Variants in NFATC3 observed in about 807,000 individuals in gnomAD.
The protein encoded by NFATC3 is nuclear factor of activated T-cells, cytoplasmic 3.
A neutral mutation model predicts 98.6 loss-of-function variants in NFATC3; 46 were observed. That is an observed-to-expected ratio of 0.47 (90% CI 0.37 to 0.60). The LOEUF (loss-of-function observed/expected upper bound fraction) is 0.60, where lower values mean the gene tolerates loss of function less well. Among genes scored for constraint, NFATC3 ranks in the 20% least tolerant of loss-of-function variants. The pLI is 0.00. For missense variants in NFATC3, 1,256 were observed against 1,295.5 expected (o/e 0.97, Z 0.47); for synonymous variants, 512 against 472.2 (o/e 1.08, Z -1.09).
At chr16:68,113,398 A>G (rs1456880675) in intron 1 of NFATC3, among the ~76,000 whole-genome samples, 2 of 151,744 alleles carry the variant, frequency 1.3e-5, no homozygotes, top group African/African-American at 4.8e-5. Flanking sequence ...TAATTCATCT[A>G]CCCCCTCCTG....
In NFATC3 at chr16:68,167,810, C is replaced by CTTTTTTTTTTT. The variant is rs35302776; in HGVS notation, c.1774+824_1774+834dup. ...TTTATATCTGTTAACCGTATGTGTTCTTTTTTTTTTTTTTTTTTTTTTTTT... is the reference window on the plus strand; with the variant it reads ...TTTATATCTGTTAACCGTATGTGTTCTTTTTTTTTTTTTTTTTTTTTTTTTTTTTTTTTTTT... On this transcript the variant is annotated intron_variant, in intron 5 of 9. Transcript: ENST00000346183. Among the ~76,000 whole-genome samples the CTTTTTTTTTTT allele has an allele frequency of 7.9e-3, 188 of 23,912 alleles. 73 individuals carry two copies. The highest frequency in any genetic ancestry group is 0.014 in the Non-Finnish European group (131 of 9,304). 15.7% of individuals were successfully genotyped at this position (23,912 alleles called of 152,430 possible).
chr16:68,116,859 A>G (rs2036305071), intron 1 of NFATC3, among the ~76,000 whole-genome samples: 1 of 152,098 alleles, frequency 6.6e-6, no homozygotes, highest in Non-Finnish European at 1.5e-5. Context: ...TATTTAATCA[A>G]GTACATTCTT....
intron 6 of NFATC3, among the ~76,000 whole-genome samples, chr16:68,175,499 A>G (rs1327290216): frequency 6.6e-6 from 1 of 152,206 alleles, no homozygotes; most frequent in Non-Finnish European, 1.5e-5. Flanking sequence ...CTTCTTGTGC[A>G]TATTTAAAAC....
chr16:68,087,705 T>G (rs539059963), intron 1 of NFATC3, among the ~76,000 whole-genome samples: 1 of 152,282 alleles, frequency 6.6e-6, no homozygotes, highest in East Asian at 1.9e-4. Context: ...TTGCCCCATA[T>G]TTTTCCTTCC....
chr16:68,089,993 T>C (rs1567491195), intron 1 of NFATC3, among the ~76,000 whole-genome samples: 2 of 152,180 alleles, frequency 1.3e-5, no homozygotes, highest in East Asian at 1.9e-4. Context: ...TGATAAGATA[T>C]GTGTAATTTT....
intron 1 of NFATC3, among the ~76,000 whole-genome samples, chr16:68,087,361 A>G (rs988620826): frequency 6.6e-6 from 1 of 152,232 alleles, no homozygotes. Context: ...TAACATTTCA[A>G]AGCTATGAAA....
At chr16:68,219,796 G>A (rs2041789310) in intron 9 of NFATC3, among the ~76,000 whole-genome samples, 2 of 152,142 alleles carry the variant, frequency 1.3e-5, no homozygotes, top group African/African-American at 4.8e-5. Context: ...TGTGTATATG[G>A]CAGTGTGTAT....
At chr16:68,171,921 C>T (rs2039481938) in intron 5 of NFATC3, among the ~76,000 whole-genome samples, 1 of 151,900 alleles carries the variant, frequency 6.6e-6, no homozygotes, top group Admixed American at 6.6e-5. Flanking sequence ...CCAGAGTAGC[C>T]AGGATTACAG....
chr16:68,163,703 A>G (rs1296745244), intron 4 of NFATC3, among the ~76,000 whole-genome samples: 1 of 136,172 alleles, frequency 7.3e-6, no homozygotes, highest in Non-Finnish European at 1.6e-5. Context: ...CCGGGCAGAG[A>G]CGCTCCTCAC....
Position 68,172,872 on chromosome 16 carries a change from A to G in NFATC3, c.1775-1502A>G, listed in dbSNP as rs546191148. Reference sequence around the variant, plus strand: ...AAACTCAAGCAATTAAAAGAAAGAAATGCCAGAAATAGAATCTCCAGAAAA... The same window carrying G: ...AAACTCAAGCAATTAAAAGAAAGAAGTGCCAGAAATAGAATCTCCAGAAAA... On this transcript the variant is annotated intron_variant, in intron 5 of 9. Coordinates refer to ENST00000346183, the MANE Select transcript of NFATC3 (RefSeq NM_173165.3). Among the ~76,000 whole-genome samples the G allele has an allele frequency of 2.6e-5, 4 of 152,312 alleles. No homozygotes were observed. In the South Asian group the frequency reaches 8.3e-4, roughly 32 times the overall value.
At chr16:68,164,404 T>G (rs923542237) in intron 4 of NFATC3, among the ~76,000 whole-genome samples, 1 of 151,708 alleles carries the variant, frequency 6.6e-6, no homozygotes, top group African/African-American at 2.4e-5. Context: ...AGGGAGACCG[T>G]GGGGAGAGGG....
chr16:68,221,547 T>G, intron 9 of NFATC3: 2 of 1,207,400 alleles, frequency 1.7e-6, no homozygotes, highest in Non-Finnish European at 2.1e-6. Context: ...TAGTACTCAA[T>G]ATATGTAAGC....
intron 1 of NFATC3, among the ~76,000 whole-genome samples, chr16:68,116,805 CT>C (rs796720628): frequency 0.016 from 2,232 of 143,068 alleles, 48 homozygotes; most frequent in African/African-American, 0.051. Flanking sequence ...ACTTTCTGTC[CT>C]TTTTTTTTTT....
chr16:68,203,682 A>G (rs2041021932), intron 9 of NFATC3, among the ~76,000 whole-genome samples: 1 of 152,128 alleles, frequency 6.6e-6, no homozygotes, highest in Admixed American at 6.6e-5. Context: ...AAGCTAGGAA[A>G]AGTCCAAGAG....
At chr16:68,187,487 A>G (rs528227432) in intron 8 of NFATC3, among the ~76,000 whole-genome samples, 31 of 152,266 alleles carry the variant, frequency 2.0e-4, no homozygotes, top group Non-Finnish European at 4.0e-4. Flanking sequence ...CGGGATGAAG[A>G]GGAGCTTTTT....
At chr16:68,148,082 C>T (rs2038127388) in intron 3 of NFATC3, among the ~76,000 whole-genome samples, 1 of 152,030 alleles carries the variant, frequency 6.6e-6, no homozygotes, top group African/African-American at 2.4e-5. Flanking sequence ...ATGGCGCGAT[C>T]TCGGCTCACT....
intron 2 of NFATC3, among the ~76,000 whole-genome samples, chr16:68,123,763 G>A (rs1453930003): frequency 6.6e-5 from 10 of 151,962 alleles, no homozygotes; most frequent in Non-Finnish European, 1.5e-4. Context: ...ACTTTGGGAG[G>A]CCGTTGAGCC....
chr16:68,201,355 C>T (rs1017086616), intron 9 of NFATC3, among the ~76,000 whole-genome samples: 2 of 152,110 alleles, frequency 1.3e-5, no homozygotes, highest in Non-Finnish European at 2.9e-5. Flanking sequence ...CTTTAGCCCC[C>T]CAAGTAGCAG....
intron 1 of NFATC3, among the ~76,000 whole-genome samples, chr16:68,097,204 A>T (rs1020072888): frequency 6.6e-6 from 1 of 152,198 alleles, no homozygotes; most frequent in African/African-American, 2.4e-5. Context: ...GAGAAAGGTG[A>T]TTCATTTTAA....
Sources: gnomAD v4.1 joint callset for allele counts (sites outside exome capture counted in the v4.1 genomes callset) on GRCh38, gnomAD v4.1.1 for gene constraint, MANE v1.5 for transcripts, NCBI Gene and HGNC (gene_info 2026-07-23, HGNC 2026-07-21) for gene names.